Variants in LRP11 observed in about 807,000 individuals in gnomAD.
LRP11 encodes the protein LDL receptor related protein 11.
Under a neutral mutation model 43.1 loss-of-function variants are expected in LRP11, and 25 were observed. That is an observed-to-expected ratio of 0.58 (90% CI 0.42 to 0.81). The LOEUF (loss-of-function observed/expected upper bound fraction) is 0.81, where lower values mean the gene tolerates loss of function less well. Among genes scored for constraint, LRP11 ranks in the 30% least tolerant of loss-of-function variants. The pLI is 0.00. For synonymous variants in LRP11, 316 were observed against 299.4 expected (o/e 1.06, Z -0.57); for missense variants, 623 against 665.1 (o/e 0.94, Z 0.70).
chr6:149,843,491 T>TCCTC (rs1229408676), intron 2 of LRP11, among the ~76,000 whole-genome samples: 1 of 151,896 alleles, frequency 6.6e-6, no homozygotes, highest in Non-Finnish European at 1.5e-5. Context: ...ACCACCCACC[T>TCCTC]CCTCCTGGTA....
At chr6:149,849,730 CAATG>C (rs1306413787) in intron 2 of LRP11, among the ~76,000 whole-genome samples, 13 of 152,104 alleles carry the variant, frequency 8.5e-5, no homozygotes. Context: ...GAGACCCTGT[CAATG>C]AATGAATGAA....
At chr6:149,844,029 C>T (rs936497847) in intron 2 of LRP11, among the ~76,000 whole-genome samples, 5 of 152,068 alleles carry the variant, frequency 3.3e-5, no homozygotes, top group Admixed American at 2.0e-4. Flanking sequence ...CCAAGGCGGG[C>T]GGATGATGAG....
chr6:149,854,661 C>G (rs188204415), intron 1 of LRP11, among the ~76,000 whole-genome samples: 2 of 152,356 alleles, frequency 1.3e-5, no homozygotes, highest in East Asian at 3.9e-4. Flanking sequence ...ACCACGCCCT[C>G]TTTGGCATCC....
At position 149,837,470 on chromosome 6, in the gene LRP11, G is replaced by A. The variant is rs1399266711; in HGVS notation, c.914-7C>T. On this transcript the variant is annotated splice_polypyrimidine_tract_variant and splice_region_variant and intron_variant, in intron 3 of 6. Transcript: ENST00000239367. ...GAGCAAGTGTGCAAACATCCTATTTGTAAACAAATCTCAAGTCACACGAGT... is the reference window on the plus strand; with the variant it reads ...GAGCAAGTGTGCAAACATCCTATTTATAAACAAATCTCAAGTCACACGAGT... 6.2e-7 allele frequency: 1 copy of A among 1,613,028 alleles called. No homozygotes were observed. Among genetic ancestry groups the A allele is most frequent in the Non-Finnish European group, 8.5e-7 (1 of 1,179,554 alleles).
chr6:149,822,610 A>G lies in LRP11; in HGVS notation c.1349-1907T>C, dbSNP rs533864834. On this transcript the variant is annotated intron_variant, in intron 6 of 6. Coordinates refer to ENST00000239367, the MANE Select transcript of LRP11 (RefSeq NM_032832.6). ...CCCAGAGCCTGTGGTTCTATCCACT[A>G]TGGTACTCTACTTCTACAAAATGTA... Among the ~76,000 whole-genome samples, 3 of 152,324 alleles carry G rather than the reference A, an allele frequency of 2.0e-5. No homozygotes were observed. The South Asian group carries it at 6.2e-4, about 32-fold the overall frequency.
At chr6:149,831,212 T>G (rs1310962985) in intron 5 of LRP11, among the ~76,000 whole-genome samples, 1 of 152,250 alleles carries the variant, frequency 6.6e-6, no homozygotes, top group Non-Finnish European at 1.5e-5. Context: ...GGCAGCTGGA[T>G]GGAAGCTGTT....
chr6:149,863,280 G>A (rs1053091789), intron 1 of LRP11, 128 bp downstream of exon 1: 2 of 1,235,576 alleles, frequency 1.6e-6, no homozygotes, highest in Non-Finnish European at 2.0e-6. Context: ...AGAAACCCAT[G>A]CCAGAAACTC....
rs1215797130 is a variant in LRP11, at chr6:149,820,012, A to C, written c.*537T>G. On this transcript the variant is annotated 3_prime_UTR_variant, in exon 7 of 7. Coordinates refer to ENST00000239367, the MANE Select transcript of LRP11 (RefSeq NM_032832.6). ...CCCTAAGGCTTACTGACTTGTACAT[A>C]AGGTTTATAATTTAGGTATACCCAC... 2.0e-5 allele frequency: 3 copies of C among 153,346 alleles called. No homozygotes were observed. The highest frequency in any genetic ancestry group is 7.2e-5 in the African/African-American group (3 of 41,450). 9.5% of individuals were successfully genotyped at this position (153,346 alleles called of 1,614,324 possible).
intron 1 of LRP11, among the ~76,000 whole-genome samples, chr6:149,860,544 G>A (rs1776876253): frequency 6.6e-6 from 1 of 152,040 alleles, no homozygotes; most frequent in Non-Finnish European, 1.5e-5. Context: ...CACAAAGCAT[G>A]TCCCCCCTTG....
Position 149,836,177 on chromosome 6 carries a change from G to A in LRP11, c.1160C>T (p.Ala387Val). 1 of 1,614,128 alleles carries A rather than the reference G, an allele frequency of 6.2e-7. No homozygotes were observed. Among genetic ancestry groups the A allele is most frequent in the Non-Finnish European group, 8.5e-7 (1 of 1,180,042 alleles). Residue 387 changes from alanine (A) to valine (V), a missense_variant, in exon 5 of 7, where the codon GCC (alanine) becomes GTC (valine). Coordinates refer to ENST00000239367, the MANE Select transcript of LRP11 (RefSeq NM_032832.6). ...TGATAATGCAGGTGGCTTGTTTGGGGCAGTGGCTTTCTGAGACTTTTCCAC... is the reference window on the plus strand; with the variant it reads ...TGATAATGCAGGTGGCTTGTTTGGGACAGTGGCTTTCTGAGACTTTTCCAC... ...SLVEKSQKAT[A>V]PNKPPALSNT...
chr6:149,836,535 C>T (rs890808040), intron 4 of LRP11, among the ~76,000 whole-genome samples: 1 of 152,126 alleles, frequency 6.6e-6, no homozygotes. Flanking sequence ...GGACGGGGCC[C>T]AGCACGGTGG....
At position 149,863,455 on chromosome 6, in the gene LRP11, G is replaced by T. The variant is rs1223301749; in HGVS notation, c.566C>A (p.Ala189Glu). 3.8e-6 allele frequency: 5 copies of T among 1,325,176 alleles called. No individual in the cohort carries two copies. The allele number at this position is 1,325,176 out of a possible 1,614,324, so 82.1% of individuals were successfully genotyped here. ...GGTGGCCAGGGCGGCGCCGTCCGGC[G>T]CGCGGCTGAGGCTGTAGCTGCTGTA... ...SGYSSYSLSR[A>E]PDGAALATAR... The change falls in exon 1 of 7, where the codon GCG (alanine) becomes GAG (glutamate). Residue 189 changes from alanine to glutamate, a missense_variant. Ala to Glu is a moderately radical substitution (Grantham distance 107). Coordinates refer to ENST00000239367, the MANE Select transcript of LRP11 (RefSeq NM_032832.6).
rs1583081826 is a variant in LRP11, at chr6:149,837,191, T to A, written c.1039+147A>T. ...CTTAGACTAGAGACATATTGAATTC[T>A]CATTTAAGGCATAGCTTTTACATGT... On this transcript the variant is annotated intron_variant, in intron 4 of 6. Coordinates refer to ENST00000239367, the MANE Select transcript of LRP11 (RefSeq NM_032832.6). 17 of 781,562 alleles carry A rather than the reference T, an allele frequency of 2.2e-5. No individual in the cohort carries two copies. In the East Asian group the frequency reaches 4.8e-4, roughly 22 times the overall value. The allele number at this position is 781,562 out of a possible 1,614,324, so 48.4% of individuals were successfully genotyped here. A position where few individuals can be genotyped will look rare whatever the true frequency, so the allele number is the denominator to read the frequency against.
chr6:149,854,241 C>T (rs1444039944), intron 1 of LRP11, among the ~76,000 whole-genome samples: 3 of 152,122 alleles, frequency 2.0e-5, no homozygotes, highest in Non-Finnish European at 4.4e-5. Flanking sequence ...CTGCCTTAGC[C>T]TCCCGAGTAG....
intron 2 of LRP11, among the ~76,000 whole-genome samples, chr6:149,849,951 T>G (rs1367066679): frequency 1.3e-5 from 2 of 152,088 alleles, no homozygotes; most frequent in Non-Finnish European, 2.9e-5. Context: ...GATCTTAAAG[T>G]ATCACGAGGC....
At chr6:149,822,877 TATCAGCG>T (rs1258656721) in intron 6 of LRP11, among the ~76,000 whole-genome samples, 1 of 152,182 alleles carries the variant, frequency 6.6e-6, no homozygotes, top group Non-Finnish European at 1.5e-5. Context: ...TTGAGATGCC[TATCAGCG>T]ATCAGGTGGA....
chr6:149,863,439 G>A lies in LRP11; in HGVS notation c.582C>T (p.Ala194=). The A allele has an allele frequency of 7.6e-7, 1 of 1,323,018 alleles. No homozygotes were observed. The highest frequency in any genetic ancestry group is 9.6e-7 in the Non-Finnish European group (1 of 1,044,750). The allele number at this position is 1,323,018 out of a possible 1,614,324, so 82.0% of individuals were successfully genotyped here. A position where few individuals can be genotyped will look rare whatever the true frequency, so the allele number is the denominator to read the frequency against. The change falls in exon 1 of 7, where the codon GCC becomes GCT. Residue 194 remains alanine (A), a synonymous_variant. Coordinates refer to ENST00000239367, the MANE Select transcript of LRP11 (RefSeq NM_032832.6). ...GGGGCGAGGCGCGCGCGGTGGCCAGGGCGGCGCCGTCCGGCGCGCGGCTGA... is the reference window on the plus strand; with the variant it reads ...GGGGCGAGGCGCGCGCGGTGGCCAGAGCGGCGCCGTCCGGCGCGCGGCTGA... ...YSLSRAPDGA[A]LATARASPRQ...
intron 2 of LRP11, among the ~76,000 whole-genome samples, chr6:149,845,180 C>T (rs527365581): frequency 3.9e-5 from 6 of 152,308 alleles, no homozygotes; most frequent in South Asian, 4.1e-4. Flanking sequence ...ATAATAGCAC[C>T]TACCTGATGA....
intron 1 of LRP11, among the ~76,000 whole-genome samples, chr6:149,861,152 C>A (rs998884726): frequency 1.2e-4 from 19 of 152,098 alleles, no homozygotes; most frequent in African/African-American, 4.1e-4. Flanking sequence ...TGCTCACAAC[C>A]CAAAAACGAA....
Sources: gnomAD v4.1 joint callset for allele counts (sites outside exome capture counted in the v4.1 genomes callset) on GRCh38, gnomAD v4.1.1 for gene constraint, MANE v1.5 for transcripts, NCBI Gene and HGNC (gene_info 2026-07-23, HGNC 2026-07-21) for gene names.